The following TRPM3 variants were observed in gnomAD, a reference collection of about 807,000 sequenced individuals.
The protein encoded by TRPM3 is long transient receptor potential channel 3.
Under a neutral mutation model 181.2 loss-of-function variants are expected in TRPM3, and 77 were observed. That is an observed-to-expected ratio of 0.42 (90% CI 0.35 to 0.51). The LOEUF is 0.51. TRPM3 is among the 20% of genes least tolerant of loss of function. The pLI, the probability that TRPM3 is intolerant of heterozygous loss-of-function variation, is 0.01. For missense variants in TRPM3, 1,759 were observed against 2,196.7 expected (o/e 0.80, Z 3.98); for synonymous variants, 745 against 796.4 (o/e 0.94, Z 1.09).
intron 1 of TRPM3, among the ~76,000 whole-genome samples, chr9:71,151,329 G>A (rs2075725830): frequency 3.3e-5 from 5 of 151,978 alleles, no homozygotes; most frequent in Admixed American, 3.3e-4. Flanking sequence ...AGAAAAATGG[G>A]CACAAAACAC....
At chr9:71,070,833 C>T (rs1441859422) in intron 1 of TRPM3, among the ~76,000 whole-genome samples, 1 of 152,096 alleles carries the variant, frequency 6.6e-6, no homozygotes, top group African/African-American at 2.4e-5. Context: ...TAGAGTGGGG[C>T]TGGAGCTTTT....
Position 71,121,456 on chromosome 9 carries a change from A to G in TRPM3, c.-102T>C. ...TTGCCTGAGCCCCTGAACCTTCTTA[A>G]AACAGCCACCTCCCCTCTCTCTGCA... On this transcript the variant is annotated 5_prime_UTR_variant, in exon 1 of 26. Transcript: ENST00000677713. 6.8e-7 allele frequency: 1 copy of G among 1,468,134 alleles called. No homozygotes were observed. The highest frequency in any genetic ancestry group is 9.0e-7 in the Non-Finnish European group (1 of 1,113,900). The allele number at this position is 1,468,134 out of a possible 1,614,324, so 90.9% of individuals were successfully genotyped here.
chr9:70,842,488 C>T (rs1247169720), intron 5 of TRPM3, among the ~76,000 whole-genome samples: 1 of 152,010 alleles, frequency 6.6e-6, no homozygotes, highest in Non-Finnish European at 1.5e-5. Flanking sequence ...AATTCTTCGC[C>T]ACTTTTAAAA....
At chr9:70,777,288 G>A (rs192388804) in intron 7 of TRPM3, among the ~76,000 whole-genome samples, 8 of 152,138 alleles carry the variant, frequency 5.3e-5, no homozygotes, top group Non-Finnish European at 1.2e-4. Context: ...AAATAGTGTG[G>A]AGCTGAGCAA....
At chr9:71,264,257 T>G (rs2083242496) in intron 1 of TRPM3, among the ~76,000 whole-genome samples, 1 of 152,098 alleles carries the variant, frequency 6.6e-6, no homozygotes, top group African/African-American at 2.4e-5. Context: ...GAAAAACGCA[T>G]TGTGGAATGG....
At chr9:71,082,138 C>T (rs571500951) in intron 1 of TRPM3, among the ~76,000 whole-genome samples, 4 of 152,042 alleles carry the variant, frequency 2.6e-5, no homozygotes, top group African/African-American at 4.8e-5. Context: ...AGTTATCAGT[C>T]GAATACTCTC....
In TRPM3 at chr9:70,535,999, A is replaced by G; in HGVS notation, c.5114T>C (p.Leu1705Pro). Residue 1705 changes from leucine to proline, a missense_variant, in exon 26 of 26, where the codon CTG becomes CCG. This residue lies in a region of TRPM3 where 612 missense variants were observed against 590.0 expected (regional missense o/e 1.04). Coordinates refer to ENST00000677713, the MANE Select transcript of TRPM3 (RefSeq NM_001366145.2). ...GCTTTGGAAAGCCGATGTTCTGGAC[A>G]GTCTCCTCATGGACAGGCTGTCCCC... is the stretch of plus-strand genomic sequence containing the variant. Reference protein sequence around the residue: ...GRGDSLSMRRLSRTSAFQSFE... With the variant: ...GRGDSLSMRRPSRTSAFQSFE... The G allele has an allele frequency of 6.2e-7, 1 of 1,613,188 alleles. No homozygotes were observed. Among genetic ancestry groups the G allele is most frequent in the African/African-American group, 1.3e-5 (1 of 75,042 alleles).
At chr9:70,940,128 A>G (rs914243216) in intron 1 of TRPM3, among the ~76,000 whole-genome samples, 4 of 152,206 alleles carry the variant, frequency 2.6e-5, no homozygotes, top group African/African-American at 9.6e-5. Flanking sequence ...CTGAGGAACA[A>G]TAATCAGAAT....
intron 18 of TRPM3, among the ~76,000 whole-genome samples, chr9:70,611,301 C>A (rs563064516): frequency 1.3e-5 from 2 of 152,306 alleles, no homozygotes; most frequent in South Asian, 4.1e-4. Context: ...ACCCAAATCT[C>A]ATCTTGAATT....
intron 1 of TRPM3, among the ~76,000 whole-genome samples, chr9:71,351,173 C>T (rs1229746997): frequency 1.3e-5 from 2 of 152,088 alleles, no homozygotes; most frequent in African/African-American, 2.4e-5. Flanking sequence ...ATTTGTTTGG[C>T]CCTGTTACTA....
intron 1 of TRPM3, among the ~76,000 whole-genome samples, chr9:71,438,438 G>A (rs574269498): frequency 2.8e-4 from 43 of 152,276 alleles, no homozygotes; most frequent in African/African-American, 1.0e-3. Context: ...GAAAGGCTGA[G>A]GTGGAAGGAT....
intron 1 of TRPM3, among the ~76,000 whole-genome samples, chr9:71,157,223 T>C (rs1369772275): frequency 6.6e-6 from 1 of 152,134 alleles, no homozygotes; most frequent in Non-Finnish European, 1.5e-5. Context: ...AATATTTTGG[T>C]TTGCTGATCT....
intron 6 of TRPM3, among the ~76,000 whole-genome samples, chr9:70,804,578 TTC>T: frequency 6.6e-6 from 1 of 152,214 alleles, no homozygotes; most frequent in South Asian, 2.1e-4. Flanking sequence ...CTCTCCCAGT[TTC>T]TCTGTTACCT....
chr9:71,107,733 A>G (rs1358224690), intron 1 of TRPM3, among the ~76,000 whole-genome samples: 2 of 152,224 alleles, frequency 1.3e-5, no homozygotes, highest in Non-Finnish European at 2.9e-5. Flanking sequence ...ATGAACTATT[A>G]TCCTTCAGAA....
At chr9:70,544,548 T>G (rs2044351623) in intron 25 of TRPM3, among the ~76,000 whole-genome samples, 2 of 152,202 alleles carry the variant, frequency 1.3e-5, no homozygotes, top group South Asian at 2.1e-4. Flanking sequence ...ACGAAAGACA[T>G]TTTTTGGAGT....
chr9:71,445,682 G>A (rs2094194158), intron 1 of TRPM3, among the ~76,000 whole-genome samples: 1 of 152,074 alleles, frequency 6.6e-6, no homozygotes. Flanking sequence ...CATTAATCAC[G>A]CTGTGGGATC....
Position 70,864,387 on chromosome 9 carries a change from A to G in TRPM3, c.257+45T>C, listed in dbSNP as rs768099255. 2.8e-5 allele frequency: 38 copies of G among 1,341,692 alleles called. No homozygotes were observed. In the South Asian group the frequency reaches 3.6e-4, roughly 13 times the overall value. 83.1% of individuals were successfully genotyped at this position (1,341,692 alleles called of 1,614,324 possible). Reference sequence around the variant, plus strand: ...ATGATTACTCTTGCAGGTTTTTTGTATAATTACTACTTCATGTTCTCAACA... The same window carrying G: ...ATGATTACTCTTGCAGGTTTTTTGTGTAATTACTACTTCATGTTCTCAACA... On this transcript the variant is annotated intron_variant, in intron 2 of 25. Coordinates refer to ENST00000677713, the MANE Select transcript of TRPM3 (RefSeq NM_001366145.2).
intron 6 of TRPM3, among the ~76,000 whole-genome samples, chr9:70,798,654 C>T (rs1041012591): frequency 5.3e-5 from 8 of 152,102 alleles, no homozygotes; most frequent in African/African-American, 1.9e-4. Context: ...TAAATACATG[C>T]TTGTGAAGTA....
chr9:71,381,105 A>T (rs1440143067), intron 1 of TRPM3, among the ~76,000 whole-genome samples: 1 of 152,084 alleles, frequency 6.6e-6, no homozygotes, highest in African/African-American at 2.4e-5. Context: ...ACTGCCCTTA[A>T]ATCTCACCTG....
Sources: gnomAD v4.1 joint callset for allele counts (sites outside exome capture counted in the v4.1 genomes callset) on GRCh38, gnomAD v4.1.1 for gene constraint, gnomAD v4.1.1 regional missense constraint, MANE v1.5 for transcripts, NCBI Gene and HGNC (gene_info 2026-07-23, HGNC 2026-07-21) for gene names.